The following PTPRD variants were observed in gnomAD, a reference collection of about 807,000 sequenced individuals.
PTPRD encodes protein tyrosine phosphatase receptor type D, also known as receptor-type tyrosine-protein phosphatase delta.
In PTPRD, 34 loss-of-function variants were observed where a neutral mutation model predicts 214.5. The observed-to-expected ratio is 0.16, with a 90% CI of 0.12 to 0.21. The LOEUF (loss-of-function observed/expected upper bound fraction) is 0.21. Among genes scored for constraint, PTPRD ranks in the 10% least tolerant of loss-of-function variants. The pLI is 1.00. For missense variants in PTPRD, 2,545 were observed against 2,398.7 expected (o/e 1.06, Z -1.27); for synonymous variants, 1,128 against 845.7 (o/e 1.33, Z -5.79).
intron 5 of PTPRD, among the ~76,000 whole-genome samples, chr9:9,797,165 T>TA (rs1306347844): frequency 6.7e-6 from 1 of 148,534 alleles, no homozygotes; most frequent in African/African-American, 2.5e-5. Flanking sequence ...TAGCTTAATT[T>TA]AAAAAAATAC....
At chr9:10,433,879 A>T (rs557184917) in intron 2 of PTPRD, among the ~76,000 whole-genome samples, 1 of 151,870 alleles carries the variant, frequency 6.6e-6, no homozygotes, top group Non-Finnish European at 1.5e-5. Context: ...TAGTCTCACA[A>T]TTGATCAGAA....
At chr9:8,901,051 G>A (rs2098664768) in intron 11 of PTPRD, among the ~76,000 whole-genome samples, 1 of 152,116 alleles carries the variant, frequency 6.6e-6, no homozygotes, top group African/African-American at 2.4e-5. Context: ...GGAGGAAAAG[G>A]ACAGTATCAG....
intron 35 of PTPRD, among the ~76,000 whole-genome samples, chr9:8,429,534 G>A (rs1252630211): frequency 6.6e-6 from 1 of 152,080 alleles, no homozygotes; most frequent in African/African-American, 2.4e-5. Flanking sequence ...TGAGTGATGG[G>A]AAGATTTTAA....
At chr9:8,352,479 C>T (rs2075785674) in intron 39 of PTPRD, among the ~76,000 whole-genome samples, 1 of 152,100 alleles carries the variant, frequency 6.6e-6, no homozygotes. Flanking sequence ...TACAAAATTG[C>T]CCACTTTTTG....
At chr9:9,781,893 C>T (rs1045972625) in intron 5 of PTPRD, among the ~76,000 whole-genome samples, 2 of 151,712 alleles carry the variant, frequency 1.3e-5, no homozygotes, top group African/African-American at 4.8e-5. Flanking sequence ...CCCGAGTTCA[C>T]GCCATTCTCC....
intron 9 of PTPRD, among the ~76,000 whole-genome samples, chr9:9,260,375 G>A (rs529635988): frequency 6.6e-6 from 1 of 151,910 alleles, no homozygotes; most frequent in Non-Finnish European, 1.5e-5. Flanking sequence ...CCGAAATCAC[G>A]TTTATTAAAA....
At chr9:9,445,425 C>T (rs552737611) in intron 8 of PTPRD, among the ~76,000 whole-genome samples, 1 of 152,202 alleles carries the variant, frequency 6.6e-6, no homozygotes, top group South Asian at 2.1e-4. Context: ...TCACTTGGCA[C>T]CTGTATTAGT....
At chr9:8,747,069 A>T (rs2092907031) in intron 11 of PTPRD, among the ~76,000 whole-genome samples, 1 of 152,198 alleles carries the variant, frequency 6.6e-6, no homozygotes, top group Non-Finnish European at 1.5e-5. Context: ...CCATCTTTTT[A>T]AGAATTTCTC....
chr9:9,984,495 G>C (rs1378162680), intron 4 of PTPRD, among the ~76,000 whole-genome samples: 4 of 152,160 alleles, frequency 2.6e-5, no homozygotes, highest in Non-Finnish European at 5.9e-5. Flanking sequence ...CAAGTAGTAA[G>C]CAACATTCAG....
intron 8 of PTPRD, among the ~76,000 whole-genome samples, chr9:9,418,534 C>T (rs1465825209): frequency 1.3e-5 from 2 of 152,000 alleles, no homozygotes; most frequent in Non-Finnish European, 2.9e-5. Context: ...AGCCTTGCAA[C>T]TTTTGAAAGC....
intron 2 of PTPRD, among the ~76,000 whole-genome samples, chr9:10,493,527 G>T (rs1012878785): frequency 6.6e-6 from 1 of 152,134 alleles, no homozygotes; most frequent in South Asian, 2.1e-4. Context: ...AAATGGTGTT[G>T]GGAAAATTGG....
chr9:8,390,384 G>A (rs1195701743), intron 36 of PTPRD, among the ~76,000 whole-genome samples: 1 of 151,876 alleles, frequency 6.6e-6, no homozygotes, highest in Admixed American at 6.6e-5. Flanking sequence ...TCCCTCCTTA[G>A]CTCAATCCAC....
intron 11 of PTPRD, among the ~76,000 whole-genome samples, chr9:8,996,031 T>C (rs2154351432): frequency 6.6e-6 from 1 of 152,218 alleles, no homozygotes; most frequent in Middle Eastern, 3.4e-3. Context: ...AATGCTATTT[T>C]GAAAAACAGT....
intron 7 of PTPRD, among the ~76,000 whole-genome samples, chr9:9,681,113 A>G (rs1461572913): frequency 6.6e-6 from 1 of 151,874 alleles, no homozygotes; most frequent in Non-Finnish European, 1.5e-5. Flanking sequence ...AAATATTTCT[A>G]AAAAATGGAA....
intron 5 of PTPRD, among the ~76,000 whole-genome samples, chr9:9,936,875 C>T (rs1273214614): frequency 6.9e-6 from 1 of 145,056 alleles, no homozygotes; most frequent in African/African-American, 2.6e-5. Flanking sequence ...CACATATACA[C>T]CATGGAATAC....
At chr9:9,519,070 A>G (rs1178233565) in intron 8 of PTPRD, among the ~76,000 whole-genome samples, 1 of 152,026 alleles carries the variant, frequency 6.6e-6, no homozygotes, top group East Asian at 1.9e-4. Flanking sequence ...ATTAATCTCC[A>G]TGTGTTTGCA....
chr9:10,362,750 C>T (rs982091033), intron 2 of PTPRD, among the ~76,000 whole-genome samples: 2 of 152,028 alleles, frequency 1.3e-5, no homozygotes, highest in African/African-American at 4.8e-5. Context: ...CATGGTGTCA[C>T]GTGCCTGTAA....
intron 35 of PTPRD, among the ~76,000 whole-genome samples, chr9:8,435,124 G>A (rs2095288971): frequency 6.6e-6 from 1 of 152,218 alleles, no homozygotes; most frequent in Non-Finnish European, 1.5e-5. Flanking sequence ...ATGAAACGTG[G>A]TCTGGCTCTT....
chr9:9,632,289 C>G (rs1225301157), intron 7 of PTPRD, among the ~76,000 whole-genome samples: 4 of 152,018 alleles, frequency 2.6e-5, no homozygotes, highest in Non-Finnish European at 5.9e-5. Context: ...ACTAAGGAAA[C>G]AAAATCAGAC....
Sources: gnomAD v4.1 joint callset for allele counts (sites outside exome capture counted in the v4.1 genomes callset) on GRCh38, gnomAD v4.1.1 for gene constraint, MANE v1.5 for transcripts, NCBI Gene and HGNC (gene_info 2026-07-23, HGNC 2026-07-21) for gene names.